Variants in KIF21A observed in about 807,000 individuals in gnomAD.
The protein encoded by KIF21A is kinesin-like protein KIF21A.
In KIF21A, 114 loss-of-function variants were observed where a neutral mutation model predicts 202.9. That is an observed-to-expected ratio of 0.56 (90% CI 0.48 to 0.66). KIF21A has a LOEUF of 0.66. Among genes scored for constraint, KIF21A ranks in the 30% least tolerant of loss-of-function variants. KIF21A has a pLI of 0.00. For missense variants in KIF21A, 1,677 were observed against 1,994.9 expected (o/e 0.84, Z 3.04); for synonymous variants, 667 against 670.8 (o/e 0.99, Z 0.09).
intron 7 of KIF21A, among the ~76,000 whole-genome samples, chr12:39,361,587 T>TCTCTGCTCACTGCAAG (rs1555175425): frequency 7.8e-5 from 9 of 114,960 alleles, no homozygotes; most frequent in Non-Finnish European, 1.2e-4. Context: ...AGTGGCACGA[T>TCTCTGCTCACTGCAAG]CTCCGCCTCC....
chr12:39,421,711 A>AATAT (rs1566302057), intron 1 of KIF21A, among the ~76,000 whole-genome samples: 3 of 133,614 alleles, frequency 2.2e-5, no homozygotes, highest in South Asian at 2.6e-4. Flanking sequence ...TAAATAAATA[A>AATAT]ATATATATAA....
At position 39,326,156 on chromosome 12, in the gene KIF21A, C is replaced by T. The variant is rs190306195; in HGVS notation, c.3401+108G>A. The T allele has an allele frequency of 3.3e-5, 28 of 857,352 alleles. No homozygotes were observed. In the East Asian group the frequency reaches 7.1e-4, roughly 22 times the overall value. 53.1% of individuals were successfully genotyped at this position (857,352 alleles called of 1,614,324 possible). Reference sequence around the variant, plus strand: ...CTGTTTCTAAGTGCTATTCACTAGGCCATTAGATTGAAAATTATTTCTGTT... The same window carrying T: ...CTGTTTCTAAGTGCTATTCACTAGGTCATTAGATTGAAAATTATTTCTGTT... On this transcript the variant is annotated intron_variant, in intron 25 of 37. Coordinates refer to ENST00000361418, the MANE Select transcript of KIF21A (RefSeq NM_001173464.2).
intron 1 of KIF21A, among the ~76,000 whole-genome samples, chr12:39,418,069 G>A (rs537593580): frequency 1.3e-5 from 2 of 152,050 alleles, no homozygotes; most frequent in African/African-American, 2.4e-5. Flanking sequence ...TTAGTCAAGC[G>A]TGGTGGTGTA....
chr12:39,407,430 T>G (rs1271089151), intron 1 of KIF21A, among the ~76,000 whole-genome samples: 1 of 152,194 alleles, frequency 6.6e-6, no homozygotes, highest in African/African-American at 2.4e-5. Context: ...TACTCAGGCC[T>G]TTGTCTCTAC....
chr12:39,309,749 ATAC>A lies in KIF21A; in HGVS notation c.4111_4113del (p.Val1371del). The A allele has an allele frequency of 6.2e-7, 1 of 1,613,232 alleles. No homozygotes were observed. The highest frequency in any genetic ancestry group is 1.1e-5 in the South Asian group (1 of 91,064). ...ATTTCCTGCCCAGTCACCAGATTCCATACTTTACAAGTACGATCTAAAACAAAC... is the reference window on the plus strand; with the variant it reads ...ATTTCCTGCCCAGTCACCAGATTCCATTTACAAGTACGATCTAAAACAAAC... On this transcript the variant is annotated inframe_deletion, in exon 33 of 38. Transcript: ENST00000361418.
chr12:39,416,856 T>C (rs1345994315), intron 1 of KIF21A, among the ~76,000 whole-genome samples: 1 of 147,098 alleles, frequency 6.8e-6, no homozygotes, highest in East Asian at 2.0e-4. Flanking sequence ...TATGTACATA[T>C]ATATGTGTAT....
chr12:39,364,294 C>T (rs1226271379), intron 6 of KIF21A, among the ~76,000 whole-genome samples: 1 of 152,174 alleles, frequency 6.6e-6, no homozygotes, highest in East Asian at 1.9e-4. Flanking sequence ...AGAGCAGCTA[C>T]TGTCATAAGC....
chr12:39,374,377 C>CA (rs1397424556), intron 1 of KIF21A, among the ~76,000 whole-genome samples: 3 of 152,138 alleles, frequency 2.0e-5, no homozygotes, highest in African/African-American at 7.2e-5. Context: ...CATCTAGTCC[C>CA]AACACTAAGA....
intron 1 of KIF21A, among the ~76,000 whole-genome samples, chr12:39,440,561 G>T (rs540287881): frequency 1.3e-5 from 2 of 152,222 alleles, no homozygotes; most frequent in South Asian, 4.2e-4. Context: ...CCAGAAATCA[G>T]GATAACAGAG....
At chr12:39,366,315 T>A (rs1468565401) in intron 6 of KIF21A, 35 bp downstream of exon 6, 1 of 1,574,088 alleles carries the variant, frequency 6.4e-7, no homozygotes, top group Non-Finnish European at 8.7e-7. Flanking sequence ...ATAGAAAAGC[T>A]CTGATATATT....
intron 1 of KIF21A, among the ~76,000 whole-genome samples, chr12:39,434,156 A>G (rs1938349531): frequency 6.6e-6 from 1 of 152,224 alleles, no homozygotes; most frequent in African/African-American, 2.4e-5. Flanking sequence ...AGAGGCCTGC[A>G]GGCCTGCATC....
rs113210403 is a variant in KIF21A, at chr12:39,386,268, G to C, written c.45-16007C>G. On this transcript the variant is annotated intron_variant, in intron 1 of 37. Coordinates refer to ENST00000361418, the MANE Select transcript of KIF21A (RefSeq NM_001173464.2). ...TTTTTTTCTTCTTTTTCACTGGCTGGAATGCAGAGCGGTCAGGGTGCACTA... is the reference window on the plus strand; with the variant it reads ...TTTTTTTCTTCTTTTTCACTGGCTGCAATGCAGAGCGGTCAGGGTGCACTA... Among the ~76,000 whole-genome samples, 400 of 152,212 alleles carry C rather than the reference G, an allele frequency of 2.6e-3. 3 individuals are homozygous for C. The highest frequency in any genetic ancestry group is 8.8e-3 in the African/African-American group (366 of 41,520).
chr12:39,338,097 A>C (rs766893573), intron 16 of KIF21A, among the ~76,000 whole-genome samples: 1 of 152,214 alleles, frequency 6.6e-6, no homozygotes, highest in Non-Finnish European at 1.5e-5. Flanking sequence ...TTATCATAGG[A>C]GATGACAGCT....
chr12:39,405,692 T>C (rs11172035), intron 1 of KIF21A, among the ~76,000 whole-genome samples: 12,419 of 152,128 alleles, frequency 0.082, 639 homozygotes, highest in South Asian at 0.28. Flanking sequence ...AAAGCGTATA[T>C]AAAGTTCCAA....
chr12:39,432,442 A>G (rs1332013125), intron 1 of KIF21A, among the ~76,000 whole-genome samples: 1 of 152,214 alleles, frequency 6.6e-6, no homozygotes, highest in African/African-American at 2.4e-5. Context: ...GAGACAGCAT[A>G]GTTCCTATAA....
intron 16 of KIF21A, 23 bp downstream of exon 16, chr12:39,340,142 T>A (rs1401882751): frequency 1.9e-6 from 3 of 1,586,420 alleles, no homozygotes; most frequent in Non-Finnish European, 2.6e-6. Context: ...CATCAAACGT[T>A]AATGGAAAAA....
At chr12:39,303,630 C>T (rs1943173897) in intron 35 of KIF21A, among the ~76,000 whole-genome samples, 1 of 151,982 alleles carries the variant, frequency 6.6e-6, no homozygotes, top group African/African-American at 2.4e-5. Context: ...GAAAGGAAAC[C>T]AGATTTTTTT....
chr12:39,401,848 A>T (rs902268435), intron 1 of KIF21A, among the ~76,000 whole-genome samples: 2 of 152,228 alleles, frequency 1.3e-5, no homozygotes, highest in African/African-American at 4.8e-5. Flanking sequence ...TATTTTTTAA[A>T]AAAGGAGAAC....
At chr12:39,362,952 C>G (rs2139011760) in intron 7 of KIF21A, 146 bp downstream of exon 7, 1 of 568,438 alleles carries the variant, frequency 1.8e-6, no homozygotes, top group East Asian at 3.0e-5. Context: ...ATTATTCACA[C>G]ATTTGAGATC....
Sources: allele counts gnomAD v4.1 joint callset (sites outside exome capture counted in the v4.1 genomes callset), GRCh38; gene constraint gnomAD v4.1.1; transcripts MANE v1.5; gene names NCBI Gene and HGNC (gene_info 2026-07-23, HGNC 2026-07-21).